The following LTBP2 variants were observed in gnomAD, a reference collection of about 807,000 sequenced individuals.
LTBP2 encodes the protein latent-transforming growth factor beta-binding protein 2.
Under a neutral mutation model 210.6 loss-of-function variants are expected in LTBP2, and 103 were observed. The observed-to-expected ratio is 0.49, with a 90% confidence interval of 0.42 to 0.58. The LOEUF is 0.58. Ranked by LOEUF, LTBP2 falls within the 20% of genes least tolerant of loss-of-function variation. LTBP2 has a pLI of 0.00. For synonymous variants in LTBP2, 1,007 were observed against 1,015.0 expected (o/e 0.99, Z 0.15); for missense variants, 2,313 against 2,494.5 (o/e 0.93, Z 1.55).
intron 2 of LTBP2, among the ~76,000 whole-genome samples, chr14:74,598,100 C>G (rs1206441879): frequency 1.3e-5 from 2 of 152,248 alleles, no homozygotes; most frequent in Non-Finnish European, 2.9e-5. Context: ...TGCCCAAGAT[C>G]ACCATGCTAG....
chr14:74,502,987 G>A (rs2086931095), intron 33 of LTBP2, 53 bp from the exon 34 acceptor site: 2 of 1,596,884 alleles, frequency 1.3e-6, no homozygotes. Context: ...GCCAGCTAAA[G>A]CCTGGCTGGC....
Position 74,551,358 on chromosome 14 carries a change from C to T in LTBP2, c.1400-8G>A. 11 of 1,557,952 alleles carry T rather than the reference C, an allele frequency of 7.1e-6. No individual in the cohort carries two copies. The highest frequency in any genetic ancestry group is 9.6e-6 in the Non-Finnish European group (11 of 1,150,328). ...GGGAGGGGTTCACGGAGGCTGGGCA[C>T]AGGGGCTAGAGTCAGAGCCAGGGAA... On this transcript the variant is annotated splice_polypyrimidine_tract_variant and splice_region_variant and intron_variant, in intron 6 of 35. Coordinates refer to ENST00000261978, the MANE Select transcript of LTBP2 (RefSeq NM_000428.3).
intron 8 of LTBP2, 26 bp from the exon 9 acceptor site, chr14:74,536,026 C>A: frequency 1.2e-6 from 2 of 1,602,168 alleles, no homozygotes; most frequent in Non-Finnish European, 1.7e-6. Context: ...ACGGACAGGT[C>A]TCACTGGACG....
In LTBP2 at chr14:74,510,073, G is replaced by T. The variant is rs1419407209; in HGVS notation, c.3151+18C>A. ...CTGGATCGGCCTGCGGAGAAGGGGC[G>T]CTTCAGCATCTCTGTACCTTGGCAG... On this transcript the variant is annotated intron_variant, in intron 20 of 35. Coordinates refer to ENST00000261978, the MANE Select transcript of LTBP2 (RefSeq NM_000428.3). 20 of 1,613,916 alleles carry T rather than the reference G, an allele frequency of 1.2e-5. No individual in the cohort carries two copies. The highest frequency in any genetic ancestry group is 1.6e-5 in the Non-Finnish European group (19 of 1,179,984).
intron 3 of LTBP2, among the ~76,000 whole-genome samples, chr14:74,585,610 G>T (rs563792779): frequency 6.6e-6 from 1 of 152,192 alleles, no homozygotes; most frequent in African/African-American, 2.4e-5. Flanking sequence ...GGCACTCGAG[G>T]GCAAAGACTT....
At chr14:74,538,975 T>A (rs2087458379) in intron 8 of LTBP2, among the ~76,000 whole-genome samples, 1 of 152,132 alleles carries the variant, frequency 6.6e-6, no homozygotes, top group Non-Finnish European at 1.5e-5. Flanking sequence ...GAAAGAGAAG[T>A]CCTTTGGAGA....
chr14:74,553,923 C>CGTGTGT (rs34143485), intron 4 of LTBP2, among the ~76,000 whole-genome samples: 14,817 of 130,414 alleles, frequency 0.11, 883 homozygotes, highest in African/African-American at 0.12. Context: ...AGCGGAGAAA[C>CGTGTGT]GTGTGTGTGT....
chr14:74,549,211 A>G (rs1462712949), intron 8 of LTBP2, among the ~76,000 whole-genome samples: 2 of 152,222 alleles, frequency 1.3e-5, no homozygotes, highest in Non-Finnish European at 2.9e-5. Flanking sequence ...CCTCCTCCCA[A>G]TTGTGCAACT....
In LTBP2 at chr14:74,611,627, CGGCCTCCTGGCCTCCGCCTCGGTG is replaced by C; in HGVS notation, c.294_317del (p.Thr99_Pro106del). 1.3e-6 allele frequency: 2 copies of C among 1,559,238 alleles called. No individual in the cohort carries two copies. The highest frequency in any genetic ancestry group is 1.7e-6 in the Non-Finnish European group (2 of 1,158,198). Reference sequence around the variant, plus strand: ...CACGCCGCGACTGCTGCGCGCGGGACGGCCTCCTGGCCTCCGCCTCGGTGGGCCTCCTGGGGCTCCCCCAGCCCG... The same window carrying C: ...CACGCCGCGACTGCTGCGCGCGGGACGGCCTCCTGGGGCTCCCCCAGCCCG... On this transcript the variant is annotated inframe_deletion, in exon 1 of 36. Transcript: ENST00000261978.
At position 74,503,295 on chromosome 14, in the gene LTBP2, G is replaced by A. The variant is rs939981078; in HGVS notation, c.4812C>T (p.Thr1604=). The change falls in exon 33 of 36, where the codon ACC becomes ACT. Residue 1604 remains threonine, a synonymous_variant. Coordinates refer to ENST00000261978, the MANE Select transcript of LTBP2 (RefSeq NM_000428.3). ...CCTGGCAGCAGCATTCCGTGTAGGT[G>A]GTGCGGTGCCCACGCAGGGGTTCGC... ...VCSEPLRGHR[T]TYTECCCQDG... is the part of the protein sequence containing the mutation. 29 of 1,614,070 alleles carry A rather than the reference G, an allele frequency of 1.8e-5. No homozygotes were observed. Among genetic ancestry groups the A allele is most frequent in the Non-Finnish European group, 2.5e-5 (29 of 1,180,040 alleles).
chr14:74,608,529 C>T (rs1256705145), intron 1 of LTBP2, among the ~76,000 whole-genome samples: 4 of 151,272 alleles, frequency 2.6e-5, no homozygotes, highest in Admixed American at 6.6e-5. Context: ...GCCAACATGG[C>T]GAAACCCCAT....
chr14:74,605,496 G>A (rs78190159), intron 1 of LTBP2, among the ~76,000 whole-genome samples: 4,756 of 152,310 alleles, frequency 0.031, 102 homozygotes, highest in Middle Eastern at 0.079. Flanking sequence ...CAGAGTTTCC[G>A]GGGGTGCGCC....
Position 74,551,171 on chromosome 14 carries a change from T to C in LTBP2, c.1579A>G (p.Asn527Asp). Residue 527 changes from asparagine (N) to aspartate (D), a missense_variant, in exon 7 of 36, where the codon AAC becomes GAC. Around this residue, in one of 3 missense-constraint regions of LTBP2, gnomAD observed 1,867 missense variants for 1,976.9 expected, o/e 0.94. Coordinates refer to ENST00000261978, the MANE Select transcript of LTBP2 (RefSeq NM_000428.3). ...ASPGHSLWDS[N>D]NIPARSGEPP... Reference sequence around the variant, plus strand: ...TCTCCAGACCGAGCAGGGATGTTGTTGCTGTCCCAGAGGCTGTGGCCAGGG... The same window carrying C: ...TCTCCAGACCGAGCAGGGATGTTGTCGCTGTCCCAGAGGCTGTGGCCAGGG... 1.2e-6 allele frequency: 2 copies of C among 1,613,910 alleles called. No individual in the cohort carries two copies. The highest frequency in any genetic ancestry group is 1.7e-6 in the Non-Finnish European group (2 of 1,180,012).
At chr14:74,577,411 A>G (rs552000141) in intron 3 of LTBP2, among the ~76,000 whole-genome samples, 3 of 152,226 alleles carry the variant, frequency 2.0e-5, no homozygotes, top group Non-Finnish European at 4.4e-5. Context: ...TGTTCTTGTC[A>G]CAACCTTGGA....
chr14:74,582,397 TACAC>T (rs58985238), intron 3 of LTBP2, among the ~76,000 whole-genome samples: 37,188 of 140,474 alleles, frequency 0.26, 5,703 homozygotes, highest in African/African-American at 0.46. Flanking sequence ...CACACATACA[TACAC>T]ACACACACAC....
At chr14:74,594,642 T>C (rs2088332478) in intron 2 of LTBP2, among the ~76,000 whole-genome samples, 2 of 152,188 alleles carry the variant, frequency 1.3e-5, no homozygotes, top group African/African-American at 4.8e-5. Context: ...GACCCTCACC[T>C]GGAGACCTCA....
chr14:74,534,543 C>A (rs775861773), intron 9 of LTBP2, among the ~76,000 whole-genome samples: 1 of 152,134 alleles, frequency 6.6e-6, no homozygotes, highest in African/African-American at 2.4e-5. Flanking sequence ...TCTGGGAAGG[C>A]GCCCCCACCA....
rs1156321170 is a variant in LTBP2 at position 74,508,885 on chromosome 14, G to C, written c.3471C>G (p.Ser1157=). Residue 1157 remains serine (S), a synonymous_variant, in exon 23 of 36, where the codon TCC becomes TCG. Coordinates refer to ENST00000261978, the MANE Select transcript of LTBP2 (RefSeq NM_000428.3). ...AGCCCTGGGGACAGAGGCACTGGTA[G>C]GAGCCCACAGTGTTCTTGCACTCGC... The part of the protein sequence containing the change: ...LGGECKNTVG[S]YQCLCPQGFQ... The C allele has an allele frequency of 6.2e-7, 1 of 1,613,782 alleles. No homozygotes were observed. The highest frequency in any genetic ancestry group is 1.3e-5 in the African/African-American group (1 of 75,032).
At chr14:74,546,563 G>A (rs2087578490) in intron 8 of LTBP2, among the ~76,000 whole-genome samples, 1 of 152,174 alleles carries the variant, frequency 6.6e-6, no homozygotes, top group South Asian at 2.1e-4. Context: ...GACATTCCAG[G>A]GTCTGTACCC....
Sources: gnomAD v4.1 joint callset for allele counts (sites outside exome capture counted in the v4.1 genomes callset) on GRCh38, gnomAD v4.1.1 for gene constraint, gnomAD v4.1.1 regional missense constraint, MANE v1.5 for transcripts, NCBI Gene and HGNC (gene_info 2026-07-23, HGNC 2026-07-21) for gene names.